ATP2C2: variants seen among roughly 807,000 people sequenced by gnomAD.
ATP2C2 encodes ATPase secretory pathway Ca2+ transporting 2.
ATP2C2 carries 171 observed loss-of-function variants against 110.8 expected under a neutral mutation model. The observed-to-expected ratio is 1.54, with a 90% confidence interval of 1.36 to 1.75. ATP2C2 has a LOEUF of 1.75. ATP2C2 is among the 40% of genes most tolerant of loss of function. ATP2C2 has a pLI of 0.00. For synonymous variants in ATP2C2, 804 were observed against 508.4 expected, an observed-to-expected ratio of 1.58 and a Z score of -7.82; for missense variants, 1,963 against 1,235.0, an observed-to-expected ratio of 1.59 and a Z score of -8.84.
chr16:84,388,060 A>C (rs933376208), intron 1 of ATP2C2, among the ~76,000 whole-genome samples: 1 of 151,598 alleles, frequency 6.6e-6, no homozygotes, highest in Non-Finnish European at 1.5e-5. Flanking sequence ...AGGCAGGTGC[A>C]GTGGCTCACG....
chr16:84,397,453 T>G (rs1905055120), intron 1 of ATP2C2, among the ~76,000 whole-genome samples: 1 of 151,450 alleles, frequency 6.6e-6, no homozygotes, highest in Admixed American at 6.6e-5. Context: ...ACTTACAAGT[T>G]TCAATTCTGT....
At chr16:84,433,911 G>T (rs1452579004) in intron 11 of ATP2C2, among the ~76,000 whole-genome samples, 1 of 152,078 alleles carries the variant, frequency 6.6e-6, no homozygotes, top group Non-Finnish European at 1.5e-5. Flanking sequence ...CGGGCATCCC[G>T]CTTGATCCAT....
intron 11 of ATP2C2, 73 bp from the exon 12 acceptor site, chr16:84,439,093 A>G: frequency 6.3e-7 from 1 of 1,586,116 alleles, no homozygotes; most frequent in Non-Finnish European, 8.6e-7. Flanking sequence ...AGCCAAAAGC[A>G]TTGCCAGCCC....
chr16:84,438,263 C>T (rs543288824), intron 11 of ATP2C2, among the ~76,000 whole-genome samples: 4 of 152,294 alleles, frequency 2.6e-5, no homozygotes, highest in South Asian at 4.1e-4. Context: ...TCAGCAGTGG[C>T]CCACTTGCAA....
At position 84,403,217 on chromosome 16, in the gene ATP2C2, T is replaced by TA. The variant is rs933526079; in HGVS notation, c.211-1902dup. Among the ~76,000 whole-genome samples the TA allele has an allele frequency of 4.6e-5, 7 of 151,756 alleles. No homozygotes were observed. In the East Asian group the frequency reaches 7.7e-4, roughly 17 times the overall value. On this transcript the variant is annotated intron_variant, in intron 2 of 26. Coordinates refer to ENST00000262429, the MANE Select transcript of ATP2C2 (RefSeq NM_014861.4). ...AAGGTTTGTCAGTTTTGTTTACCTT[T>TA]AAAAAAAAATACTCTTGTTTCTTAA...
intron 7 of ATP2C2, among the ~76,000 whole-genome samples, chr16:84,416,789 C>G (rs1906872661): frequency 6.6e-6 from 1 of 152,186 alleles, no homozygotes; most frequent in Non-Finnish European, 1.5e-5. Context: ...CTCCAGCAGT[C>G]AGCGTCTGAC....
intron 1 of ATP2C2, among the ~76,000 whole-genome samples, chr16:84,395,112 G>C (rs1904891058): frequency 6.6e-6 from 1 of 152,142 alleles, no homozygotes; most frequent in African/African-American, 2.4e-5. Context: ...GCTGTGAGCA[G>C]AGTCCCTGTT....
At position 84,451,993 on chromosome 16, in the gene ATP2C2, C is replaced by A. The variant is rs769137518; in HGVS notation, c.1733C>A (p.Pro578Gln). 16 of 1,613,868 alleles carry A rather than the reference C, an allele frequency of 9.9e-6. 1 individual carries two copies. Among genetic ancestry groups the A allele is most frequent in the South Asian group, 4.4e-5 (4 of 91,048 alleles). ...FLGLVGIIDPPRVGVKEAVQV... is the reference protein window; with the variant it reads ...FLGLVGIIDPQRVGVKEAVQV... ...GGTCTTGTGGGCATCATTGACCCCC[C>A]GAGAGTTGGCGTGAAGGAAGCAGTC... Residue 578 changes from proline to glutamine, a missense_variant, in exon 18 of 27, where the codon CCG (proline) becomes CAG (glutamine). By Grantham distance (76) the Pro-to-Gln change is moderately conservative. Coordinates refer to ENST00000262429, the MANE Select transcript of ATP2C2 (RefSeq NM_014861.4).
chr16:84,411,648 G>A (rs984522163), intron 6 of ATP2C2, among the ~76,000 whole-genome samples: 1 of 152,170 alleles, frequency 6.6e-6, no homozygotes, highest in East Asian at 1.9e-4. Context: ...CGCCACGTTG[G>A]CTAGGCTCGT....
intron 1 of ATP2C2, among the ~76,000 whole-genome samples, chr16:84,383,506 C>G (rs1027519004): frequency 1.3e-5 from 2 of 152,148 alleles, no homozygotes; most frequent in Non-Finnish European, 2.9e-5. Context: ...CTGTTTCTTC[C>G]CAGCCATACC....
At chr16:84,406,890 C>T (rs1905820418) in intron 3 of ATP2C2, among the ~76,000 whole-genome samples, 1 of 152,178 alleles carries the variant, frequency 6.6e-6, no homozygotes, top group Non-Finnish European at 1.5e-5. Flanking sequence ...CTGTCGAAAC[C>T]CACCGTGAAC....
chr16:84,378,150 A>G (rs1171619000), intron 1 of ATP2C2, among the ~76,000 whole-genome samples: 1 of 151,920 alleles, frequency 6.6e-6, no homozygotes, highest in African/African-American at 2.4e-5. Context: ...AAGGACGCCA[A>G]CTCCCAGGCT....
intron 11 of ATP2C2, among the ~76,000 whole-genome samples, chr16:84,426,562 C>G (rs1277344352): frequency 2.0e-5 from 3 of 152,116 alleles, no homozygotes; most frequent in Non-Finnish European, 4.4e-5. Flanking sequence ...TGACCTCCAG[C>G]AAGTTTCTTA....
rs953709344 is a variant in ATP2C2 at position 84,460,517 on chromosome 16, T to C, written c.2334-137T>C. ...AAGGTGCCGAGGAGGGCAGGTGCGA[T>C]GCCTGGGGGCGTTCAGCAAATGCCT... On this transcript the variant is annotated intron_variant, in intron 23 of 26. Transcript: ENST00000262429. 5.7e-6 allele frequency: 7 copies of C among 1,238,510 alleles called. No homozygotes were observed. The East Asian group carries it at 1.4e-4, about 25-fold the overall frequency. 76.7% of individuals were successfully genotyped at this position (1,238,510 alleles called of 1,614,324 possible).
rs376545433 is a variant in ATP2C2 at position 84,462,041 on chromosome 16, C to G, written c.2634C>G (p.Ser878=). 2 of 1,614,098 alleles carry G rather than the reference C, an allele frequency of 1.2e-6. No homozygotes were observed. Among genetic ancestry groups the G allele is most frequent in the Admixed American group, 1.7e-5 (1 of 60,008 alleles). ...GFLRNHMFLY[S]VLGSILGQLA... Reference sequence around the variant, plus strand: ...TCAGGAACCACATGTTCCTCTACTCCGTCCTGGGGTCCATCCTGGGGCAGC... The same window carrying G: ...TCAGGAACCACATGTTCCTCTACTCGGTCCTGGGGTCCATCCTGGGGCAGC... The change falls in exon 26 of 27, where the codon TCC becomes TCG. Residue 878 remains serine, a synonymous_variant. Transcript: ENST00000262429.
At chr16:84,422,797 C>A in intron 9 of ATP2C2, 100 bp downstream of exon 9, 1 of 1,237,920 alleles carries the variant, frequency 8.1e-7, no homozygotes, top group Non-Finnish European at 1.1e-6. Flanking sequence ...GAATGAGTGG[C>A]ATGTGGTTCA....
chr16:84,443,617 T>A (rs956964412), intron 15 of ATP2C2, among the ~76,000 whole-genome samples: 2 of 152,126 alleles, frequency 1.3e-5, no homozygotes, highest in African/African-American at 4.8e-5. Flanking sequence ...TCACTCCAGT[T>A]TCCACCCCAG....
intron 16 of ATP2C2, 97 bp from the exon 17 acceptor site, chr16:84,448,436 C>G (rs73247812): frequency 7.1e-7 from 1 of 1,410,020 alleles, no homozygotes; most frequent in Non-Finnish European, 9.6e-7. Context: ...CAAAGATCCC[C>G]GTGTGTGTCT....
At chr16:84,444,185 C>T (rs28636569) in intron 15 of ATP2C2, among the ~76,000 whole-genome samples, 4 of 113,426 alleles carry the variant, frequency 3.5e-5, no homozygotes, top group Admixed American at 9.7e-5. Context: ...AAAAAAAAAA[C>T]AAAAAGATTG....
Sources: allele counts gnomAD v4.1 joint callset (sites outside exome capture counted in the v4.1 genomes callset), GRCh38; gene constraint gnomAD v4.1.1; transcripts MANE v1.5; gene names NCBI Gene and HGNC (gene_info 2026-07-23, HGNC 2026-07-21).